Variants in NRG3 observed in about 807,000 individuals in gnomAD.
NRG3 encodes neuregulin 3, also known as pro-neuregulin-3, membrane-bound isoform.
A neutral mutation model predicts 66.9 loss-of-function variants in NRG3; 31 were observed. That is an observed-to-expected ratio of 0.46 (90% CI 0.35 to 0.63). NRG3 has a LOEUF of 0.63. NRG3 is among the 20% of genes least tolerant of loss of function. The pLI, the probability that NRG3 is intolerant of heterozygous loss-of-function variation, is 0.00. For missense variants in NRG3, 910 were observed against 878.9 expected (o/e 1.04, Z -0.45); for synonymous variants, 393 against 359.4 (o/e 1.09, Z -1.06).
intron 1 of NRG3, among the ~76,000 whole-genome samples, chr10:81,924,250 T>C (rs1329379320): frequency 1.3e-5 from 2 of 152,224 alleles, no homozygotes; most frequent in African/African-American, 4.8e-5. Context: ...TCATAATTAG[T>C]AGAAATGATG....
chr10:82,176,880 G>GACACAC (rs142443398), intron 1 of NRG3, among the ~76,000 whole-genome samples: 20,565 of 146,034 alleles, frequency 0.14, 1,476 homozygotes, highest in African/African-American at 0.17. Context: ...TTTAAAACAA[G>GACACAC]ACACACACAC....
chr10:81,955,419 AAATACC>A (rs1296522635), intron 1 of NRG3, among the ~76,000 whole-genome samples: 2 of 152,060 alleles, frequency 1.3e-5, no homozygotes, highest in Non-Finnish European at 2.9e-5. Flanking sequence ...ACTTTTGCAG[AAATACC>A]AGTGGCCATT....
intron 1 of NRG3, among the ~76,000 whole-genome samples, chr10:82,159,650 C>T (rs1015892265): frequency 6.6e-6 from 1 of 151,762 alleles, no homozygotes; most frequent in African/African-American, 2.4e-5. Context: ...AAATAGAAAC[C>T]ATGCCTTCGT....
chr10:82,258,210 A>G (rs909653624), intron 1 of NRG3, among the ~76,000 whole-genome samples: 2 of 152,218 alleles, frequency 1.3e-5, no homozygotes, highest in Non-Finnish European at 2.9e-5. Flanking sequence ...TCTCAATTAT[A>G]TTGGTCATGA....
intron 2 of NRG3, among the ~76,000 whole-genome samples, chr10:82,378,305 A>T (rs2085389785): frequency 6.6e-6 from 1 of 152,188 alleles, no homozygotes; most frequent in Admixed American, 6.5e-5. Flanking sequence ...AACTGTTGTG[A>T]ACTTGGAGTA....
chr10:81,948,880 C>T lies in NRG3; in HGVS notation c.823+72717C>T, dbSNP rs138007509. Among the ~76,000 whole-genome samples, 317 of 152,260 alleles carry T rather than the reference C, an allele frequency of 2.1e-3. 1 individual carries two copies. The highest frequency in any genetic ancestry group is 7.3e-3 in the African/African-American group (305 of 41,558). On this transcript the variant is annotated intron_variant, in intron 1 of 8. Transcript: ENST00000372141. ...AGAATGTGCTGAATGCTGTAATACT[C>T]ACAGGTACAGTTTATTACAGGGAAG...
At chr10:81,932,780 A>C (rs1368957900) in intron 1 of NRG3, among the ~76,000 whole-genome samples, 1 of 152,094 alleles carries the variant, frequency 6.6e-6, no homozygotes, top group Non-Finnish European at 1.5e-5. Flanking sequence ...CACCGTCCAA[A>C]GGGTCATGGT....
At chr10:82,057,797 A>G (rs1009873836) in intron 1 of NRG3, among the ~76,000 whole-genome samples, 2 of 152,128 alleles carry the variant, frequency 1.3e-5, no homozygotes, top group Non-Finnish European at 2.9e-5. Context: ...GTTACCATGT[A>G]TCAGGGATTC....
At chr10:82,372,380 T>A (rs1339570934) in intron 2 of NRG3, among the ~76,000 whole-genome samples, 1 of 152,246 alleles carries the variant, frequency 6.6e-6, no homozygotes, top group East Asian at 1.9e-4. Flanking sequence ...ATGACATTTT[T>A]AATTTCTTTC....
intron 1 of NRG3, among the ~76,000 whole-genome samples, chr10:81,977,962 A>G (rs576083676): frequency 6.6e-6 from 1 of 152,262 alleles, no homozygotes; most frequent in Non-Finnish European, 1.5e-5. Context: ...GTTTTGATAC[A>G]TGTATTGTAT....
At chr10:81,950,541 C>T (rs928997009) in intron 1 of NRG3, among the ~76,000 whole-genome samples, 2 of 152,170 alleles carry the variant, frequency 1.3e-5, no homozygotes, top group African/African-American at 4.8e-5. Context: ...TCCCTGAATC[C>T]AAATGATGCC....
At chr10:82,936,890 G>A (rs1401270721) in intron 4 of NRG3, among the ~76,000 whole-genome samples, 2 of 152,180 alleles carry the variant, frequency 1.3e-5, no homozygotes, top group East Asian at 3.9e-4. Flanking sequence ...CCATGCTATT[G>A]GATTTCCATC....
At chr10:82,548,930 A>G (rs1466949812) in intron 2 of NRG3, among the ~76,000 whole-genome samples, 1 of 152,184 alleles carries the variant, frequency 6.6e-6, no homozygotes, top group Non-Finnish European at 1.5e-5. Context: ...TAAAAGAAAT[A>G]CATTTAAATT....
chr10:82,863,206 C>CTATAGAATA (rs1238178416), intron 3 of NRG3, among the ~76,000 whole-genome samples: 157 of 152,242 alleles, frequency 1.0e-3, no homozygotes, highest in African/African-American at 3.6e-3. Context: ...TTTTTTATGA[C>CTATAGAATA]TGCATAGTAT....
At chr10:82,775,499 A>ATT (rs564766540) in intron 3 of NRG3, among the ~76,000 whole-genome samples, 2 of 151,908 alleles carry the variant, frequency 1.3e-5, no homozygotes, top group South Asian at 4.2e-4. Flanking sequence ...ATCTACTCAA[A>ATT]TTTTTTAATA....
intron 2 of NRG3, among the ~76,000 whole-genome samples, chr10:82,684,299 C>A (rs556582263): frequency 7.2e-4 from 110 of 152,290 alleles, no homozygotes; most frequent in Non-Finnish European, 1.4e-3. Flanking sequence ...CCATTTCTTT[C>A]AAAAGTGATG....
chr10:82,816,249 T>A (rs2061698972), intron 3 of NRG3, among the ~76,000 whole-genome samples: 1 of 152,206 alleles, frequency 6.6e-6, no homozygotes, highest in South Asian at 2.1e-4. Flanking sequence ...TATCCCGAGT[T>A]CTTGTCCCAC....
chr10:81,961,360 A>G (rs1850337603), intron 1 of NRG3, among the ~76,000 whole-genome samples: 1 of 152,218 alleles, frequency 6.6e-6, no homozygotes, highest in Non-Finnish European at 1.5e-5. Flanking sequence ...CCCACTCCCC[A>G]GTATCACATT....
intron 1 of NRG3, among the ~76,000 whole-genome samples, chr10:82,129,737 T>A (rs1392940688): frequency 6.6e-6 from 1 of 152,008 alleles, no homozygotes; most frequent in African/African-American, 2.4e-5. Flanking sequence ...ATTTTTGTAT[T>A]TTTAGTAGAG....
Sources: gnomAD v4.1 joint callset for allele counts (sites outside exome capture counted in the v4.1 genomes callset) on GRCh38, gnomAD v4.1.1 for gene constraint, MANE v1.5 for transcripts, NCBI Gene and HGNC (gene_info 2026-07-23, HGNC 2026-07-21) for gene names.